The following RBFOX1 variants were observed in gnomAD, a reference collection of about 807,000 sequenced individuals.
The protein encoded by RBFOX1 is RNA binding protein fox-1 homolog 1.
In RBFOX1, 8 loss-of-function variants were observed where a neutral mutation model predicts 57.7. That is an observed-to-expected ratio of 0.14 (90% CI 0.08 to 0.25). RBFOX1 has a LOEUF of 0.25. Ranked by LOEUF, RBFOX1 falls within the 10% of genes least tolerant of loss-of-function variation. RBFOX1 has a pLI of 1.00. For synonymous variants in RBFOX1, 326 were observed against 222.4 expected, an observed-to-expected ratio of 1.47 and a Z score of -4.15; for missense variants, 611 against 548.5, an observed-to-expected ratio of 1.11 and a Z score of -1.14.
intron 1 of RBFOX1, among the ~76,000 whole-genome samples, chr16:5,301,638 A>AAC (rs1555484648): frequency 6.8e-6 from 1 of 146,380 alleles, no homozygotes; most frequent in African/African-American, 2.5e-5. Context: ...AAAAAAAAAA[A>AAC]CACACAAAAA....
intron 3 of RBFOX1, among the ~76,000 whole-genome samples, chr16:6,954,301 C>G (rs941006734): frequency 6.6e-6 from 1 of 152,026 alleles, no homozygotes; most frequent in African/African-American, 2.4e-5. Context: ...GACAGTGAGA[C>G]TTGCTTATTT....
intron 1 of RBFOX1, among the ~76,000 whole-genome samples, chr16:6,285,540 G>A (rs2076816058): frequency 6.6e-6 from 1 of 152,170 alleles, no homozygotes; most frequent in South Asian, 2.1e-4. Flanking sequence ...CCATGCACAA[G>A]GAGAGACGTG....
chr16:6,779,981 T>TTATATATTTATATATTTATATATATTTA (rs1567210957), intron 3 of RBFOX1, among the ~76,000 whole-genome samples: 8 of 19,138 alleles, frequency 4.2e-4, no homozygotes, highest in Non-Finnish European at 6.3e-4. Flanking sequence ...ATTTATATAT[T>TTATATATTTATATATTTATATATATTTA]TATATATTTA....
intron 1 of RBFOX1, among the ~76,000 whole-genome samples, chr16:6,210,383 A>AAAAAAAAAG (rs1567684632): frequency 6.9e-6 from 1 of 144,510 alleles, no homozygotes; most frequent in Non-Finnish European, 1.5e-5. Flanking sequence ...AAAAAAGAGA[A>AAAAAAAAAG]AGGAAGGAAG....
intron 10 of RBFOX1, among the ~76,000 whole-genome samples, chr16:7,619,679 G>A (rs2059007263): frequency 6.6e-6 from 1 of 152,154 alleles, no homozygotes; most frequent in African/African-American, 2.4e-5. Flanking sequence ...TTATTCCCAA[G>A]AAGATAAGAA....
At chr16:6,378,853 T>C (rs1343760626) in intron 2 of RBFOX1, among the ~76,000 whole-genome samples, 3 of 152,164 alleles carry the variant, frequency 2.0e-5, no homozygotes, top group African/African-American at 7.2e-5. Context: ...TCCTAGAGTG[T>C]GCAAAACGGA....
At chr16:6,243,590 G>A (rs371018723) in intron 1 of RBFOX1, among the ~76,000 whole-genome samples, 4 of 152,118 alleles carry the variant, frequency 2.6e-5, no homozygotes, top group African/African-American at 4.8e-5. Flanking sequence ...ATCATGGTCC[G>A]TATAGACTCG....
At chr16:5,427,138 T>C (rs1274844023) in intron 1 of RBFOX1, among the ~76,000 whole-genome samples, 1 of 152,162 alleles carries the variant, frequency 6.6e-6, no homozygotes, top group Non-Finnish European at 1.5e-5. Flanking sequence ...GCAGATGCTG[T>C]GTTCTGGAAG....
intron 1 of RBFOX1, among the ~76,000 whole-genome samples, chr16:5,382,475 C>T (rs1253832968): frequency 6.6e-6 from 1 of 151,550 alleles, no homozygotes; most frequent in Non-Finnish European, 1.5e-5. Context: ...TATAATGGAA[C>T]TTCTGGAAAG....
intron 4 of RBFOX1, among the ~76,000 whole-genome samples, chr16:7,194,463 A>C (rs1404544852): frequency 6.6e-6 from 1 of 152,210 alleles, no homozygotes; most frequent in Non-Finnish European, 1.5e-5. Context: ...TTGGCAGTGG[A>C]ACGGCTAGAG....
intron 4 of RBFOX1, among the ~76,000 whole-genome samples, chr16:7,494,849 T>TTTTTG (rs2068080764): frequency 7.1e-6 from 1 of 141,426 alleles, no homozygotes; most frequent in Non-Finnish European, 1.6e-5. Flanking sequence ...TTTTTTTTTT[T>TTTTTG]GCACTATAAA....
chr16:5,618,713 A>G (rs1028382151), intron 3 of RBFOX1, among the ~76,000 whole-genome samples: 3 of 152,230 alleles, frequency 2.0e-5, no homozygotes, highest in African/African-American at 7.2e-5. Context: ...AACACCATCC[A>G]TCCCTTTGAA....
At chr16:7,001,718 C>T (rs979408024) in intron 3 of RBFOX1, among the ~76,000 whole-genome samples, 2 of 152,050 alleles carry the variant, frequency 1.3e-5, no homozygotes, top group Non-Finnish European at 2.9e-5. Context: ...TGGCCTCCCA[C>T]GGTGCTGGGA....
intron 12 of RBFOX1, among the ~76,000 whole-genome samples, chr16:7,660,842 A>G (rs760580782): frequency 3.9e-5 from 6 of 152,162 alleles, no homozygotes; most frequent in Non-Finnish European, 5.9e-5. Flanking sequence ...TTCAAGTTTG[A>G]CCACCACTGC....
intron 2 of RBFOX1, among the ~76,000 whole-genome samples, chr16:6,356,122 G>C (rs1042736525): frequency 2.6e-5 from 4 of 152,230 alleles, no homozygotes; most frequent in African/African-American, 9.6e-5. Flanking sequence ...CTCCTGTGCA[G>C]AAAAATCCCA....
chr16:5,882,432 A>C (rs74004674), intron 4 of RBFOX1, among the ~76,000 whole-genome samples: 41 of 152,336 alleles, frequency 2.7e-4, no homozygotes, highest in African/African-American at 9.6e-4. Context: ...CCCATTGGCC[A>C]GAACTCAGTC....
At chr16:7,701,211 C>T (rs942077095) in intron 14 of RBFOX1, among the ~76,000 whole-genome samples, 2 of 152,156 alleles carry the variant, frequency 1.3e-5, no homozygotes, top group Non-Finnish European at 2.9e-5. Context: ...GCATTTCTTC[C>T]ACTTCTAGTT....
At chr16:7,442,267 A>G (rs952349271) in intron 4 of RBFOX1, among the ~76,000 whole-genome samples, 3 of 152,062 alleles carry the variant, frequency 2.0e-5, no homozygotes, top group Admixed American at 1.3e-4. Context: ...CCCAAGCGAG[A>G]AGCTGGCCAG....
At chr16:5,621,000 C>T (rs2048185532) in intron 3 of RBFOX1, among the ~76,000 whole-genome samples, 1 of 152,148 alleles carries the variant, frequency 6.6e-6, no homozygotes, top group African/African-American at 2.4e-5. Flanking sequence ...GCCACCACGC[C>T]CAGCTAATTT....
Sources: allele counts gnomAD v4.1 joint callset (sites outside exome capture counted in the v4.1 genomes callset), GRCh38; gene constraint gnomAD v4.1.1; transcripts MANE v1.5; gene names NCBI Gene and HGNC (gene_info 2026-07-23, HGNC 2026-07-21).